The following LUZP2 variants were observed in gnomAD, a reference collection of about 807,000 sequenced individuals.
LUZP2 encodes leucine zipper protein 2.
A neutral mutation model predicts 51.6 loss-of-function variants in LUZP2; 52 were observed. That is an observed-to-expected ratio of 1.01 (90% CI 0.81 to 1.27). The LOEUF is 1.27. LUZP2 is among the 50% of genes most tolerant of loss of function. LUZP2 has a pLI of 0.00. For synonymous variants in LUZP2, 154 were observed against 137.3 expected, an observed-to-expected ratio of 1.12 and a Z score of -0.85; for missense variants, 436 against 395.4, an observed-to-expected ratio of 1.10 and a Z score of -0.87.
intron 4 of LUZP2, among the ~76,000 whole-genome samples, chr11:24,748,152 C>A (rs1419981149): frequency 6.6e-6 from 1 of 152,116 alleles, no homozygotes; most frequent in Admixed American, 6.6e-5. Flanking sequence ...TGACACCCCT[C>A]CTGAAGGTTC....
chr11:24,889,955 A>AT (rs1462576970), intron 5 of LUZP2, among the ~76,000 whole-genome samples: 6 of 152,192 alleles, frequency 3.9e-5, no homozygotes, highest in African/African-American at 1.4e-4. Context: ...TTTAAGTTAA[A>AT]TGATGTTCAT....
At chr11:24,556,049 T>C (rs565964421) in intron 1 of LUZP2, among the ~76,000 whole-genome samples, 1 of 152,302 alleles carries the variant, frequency 6.6e-6, no homozygotes, top group South Asian at 2.1e-4. Context: ...GTGATTCACC[T>C]ACCAGTTTGT....
chr11:24,908,827 C>T (rs1565092256), intron 6 of LUZP2, among the ~76,000 whole-genome samples: 4 of 150,072 alleles, frequency 2.7e-5, no homozygotes, highest in Admixed American at 1.3e-4. Context: ...ACGATCTAGG[C>T]TCACTGCAAG....
chr11:25,049,967 T>C, intron 9 of LUZP2, 71 bp from the exon 10 acceptor site: 1 of 771,680 alleles, frequency 1.3e-6, no homozygotes, highest in Non-Finnish European at 2.0e-6. Flanking sequence ...ACGATTTGGA[T>C]CTATTTGTTC....
intron 1 of LUZP2, among the ~76,000 whole-genome samples, chr11:24,528,116 T>A: frequency 6.6e-6 from 1 of 151,304 alleles, no homozygotes; most frequent in Non-Finnish European, 1.5e-5. Context: ...TTCCCTTTTA[T>A]AAAATTTCAT....
intron 9 of LUZP2, among the ~76,000 whole-genome samples, chr11:25,038,996 C>T (rs1023686143): frequency 2.0e-5 from 3 of 152,184 alleles, no homozygotes; most frequent in Non-Finnish European, 4.4e-5. Context: ...CTTAGCCGCA[C>T]AGCATCTTTG....
chr11:24,867,197 T>G (rs1851926601), intron 5 of LUZP2, among the ~76,000 whole-genome samples: 1 of 152,092 alleles, frequency 6.6e-6, no homozygotes, highest in Non-Finnish European at 1.5e-5. Flanking sequence ...GATCCCAGAG[T>G]AACTCCTTGC....
chr11:24,736,469 G>GTCCTTCCTTCCT (rs61318393), intron 3 of LUZP2, among the ~76,000 whole-genome samples: 24 of 146,302 alleles, frequency 1.6e-4, no homozygotes, highest in African/African-American at 5.4e-4. Flanking sequence ...TAACATGTAG[G>GTCCTTCCTTCCT]TCCTTCCTTC....
chr11:24,959,720 T>C (rs1164163677), intron 7 of LUZP2, among the ~76,000 whole-genome samples: 1 of 152,116 alleles, frequency 6.6e-6, no homozygotes, highest in Non-Finnish European at 1.5e-5. Context: ...GACTTCCTCT[T>C]TTCCTAATTG....
chr11:24,942,466 CT>C (rs1554943275), intron 7 of LUZP2, among the ~76,000 whole-genome samples: 1 of 152,114 alleles, frequency 6.6e-6, no homozygotes, highest in Non-Finnish European at 1.5e-5. Context: ...TTGTTGAATA[CT>C]TTTCATGTGC....
chr11:25,074,704 AT>A (rs1300853133), intron 10 of LUZP2, among the ~76,000 whole-genome samples: 3 of 152,174 alleles, frequency 2.0e-5, no homozygotes. Flanking sequence ...TATGAAGTGA[AT>A]ATCAAATTTC....
chr11:24,776,236 C>A (rs1034171706), intron 5 of LUZP2, among the ~76,000 whole-genome samples: 23 of 152,200 alleles, frequency 1.5e-4, no homozygotes, highest in Non-Finnish European at 2.6e-4. Context: ...AGACTAACAA[C>A]TGTGCAATTC....
chr11:25,046,408 A>G (rs1858310473), intron 9 of LUZP2, among the ~76,000 whole-genome samples: 1 of 152,132 alleles, frequency 6.6e-6, no homozygotes, highest in Non-Finnish European at 1.5e-5. Context: ...GGGAAATACA[A>G]TTTAAATTGC....
At chr11:24,632,623 G>C (rs1475887979) in intron 1 of LUZP2, among the ~76,000 whole-genome samples, 1 of 151,912 alleles carries the variant, frequency 6.6e-6, no homozygotes, top group Non-Finnish European at 1.5e-5. Context: ...GCTCATCAGG[G>C]CAATCCTAAC....
chr11:24,661,776 T>C lies in LUZP2; in HGVS notation c.63-67393T>C, dbSNP rs184907875. ...GTGAAATAGTAACTATTCGTGAACC[T>C]AGGTAGAGGGCATTTGCAGATTCAT... is the stretch of plus-strand genomic sequence containing the variant. On this transcript the variant is annotated intron_variant, in intron 1 of 11. Transcript: ENST00000336930. Among the ~76,000 whole-genome samples the C allele has an allele frequency of 2.7e-3, 413 of 152,278 alleles. 2 individuals carry two copies. The highest frequency in any genetic ancestry group is 9.2e-3 in the African/African-American group (382 of 41,558).
At chr11:25,015,313 G>T (rs1198574333) in intron 9 of LUZP2, among the ~76,000 whole-genome samples, 2 of 152,096 alleles carry the variant, frequency 1.3e-5, no homozygotes, top group Non-Finnish European at 2.9e-5. Context: ...TTCCCCTAAT[G>T]TTAACATCTT....
intron 1 of LUZP2, among the ~76,000 whole-genome samples, chr11:24,600,203 AC>A (rs1853578421): frequency 8.2e-6 from 1 of 122,382 alleles, no homozygotes. Flanking sequence ...ACACACACAC[AC>A]ACACACACAC....
chr11:25,078,508 G>A (rs1451943171), intron 11 of LUZP2, 46 bp from the exon 12 acceptor site: 9 of 1,454,432 alleles, frequency 6.2e-6, no homozygotes, highest in Non-Finnish European at 8.6e-6. Context: ...ACCTTAAAAT[G>A]TGTTATTTTG....
chr11:24,548,983 G>A, intron 1 of LUZP2, among the ~76,000 whole-genome samples: 1 of 151,888 alleles, frequency 6.6e-6, no homozygotes, highest in East Asian at 1.9e-4. Context: ...TACAAATACT[G>A]TATACTTACC....
Sources: allele counts gnomAD v4.1 joint callset (sites outside exome capture counted in the v4.1 genomes callset), GRCh38; gene constraint gnomAD v4.1.1; transcripts MANE v1.5; gene names NCBI Gene and HGNC (gene_info 2026-07-23, HGNC 2026-07-21).